Variants in CYSTM1 observed in about 807,000 individuals in gnomAD.
CYSTM1 encodes the protein cysteine-rich transmembrane module-containing protein 1.
CYSTM1 carries 4 observed loss-of-function variants against 13.1 expected under a neutral mutation model. The observed-to-expected ratio is 0.31, with a 90% CI of 0.15 to 0.70. The LOEUF is 0.70. Ranked by LOEUF, CYSTM1 falls within the 30% of genes least tolerant of loss-of-function variation. The pLI, the probability that CYSTM1 is intolerant of heterozygous loss-of-function variation, is 0.72. For synonymous variants in CYSTM1, 36 were observed against 42.7 expected (o/e 0.84, Z 0.62); for missense variants, 96 against 121.6 (o/e 0.79, Z 0.99).
intron 2 of CYSTM1, among the ~76,000 whole-genome samples, chr5:140,238,721 T>G (rs1201711046): frequency 6.6e-6 from 1 of 152,180 alleles, no homozygotes; most frequent in Non-Finnish European, 1.5e-5. Flanking sequence ...GGAAAATGCT[T>G]AAAGATTTTC....
intron 2 of CYSTM1, among the ~76,000 whole-genome samples, chr5:140,231,289 A>G (rs895856021): frequency 1.3e-5 from 2 of 152,220 alleles, no homozygotes; most frequent in Non-Finnish European, 2.9e-5. Flanking sequence ...TATTCATTCC[A>G]TTGGGATCAC....
At chr5:140,193,484 A>G (rs756773759) in intron 1 of CYSTM1, among the ~76,000 whole-genome samples, 13 of 152,154 alleles carry the variant, frequency 8.5e-5, no homozygotes, top group Non-Finnish European at 1.5e-4. Context: ...GGGTTTCACC[A>G]TGTTAGCCAG....
chr5:140,187,303 A>T (rs1157941844), intron 1 of CYSTM1, among the ~76,000 whole-genome samples: 1 of 133,324 alleles, frequency 7.5e-6, no homozygotes, highest in African/African-American at 3.1e-5. Context: ...ATGGGGAGTT[A>T]AAAAAAAAAA....
intron 2 of CYSTM1, among the ~76,000 whole-genome samples, chr5:140,206,665 C>T (rs1447901933): frequency 6.6e-6 from 1 of 152,118 alleles, no homozygotes; most frequent in African/African-American, 2.4e-5. Flanking sequence ...GGATCTTGCT[C>T]TGTCACCCAG....
intron 2 of CYSTM1, among the ~76,000 whole-genome samples, chr5:140,231,009 T>C (rs1318792676): frequency 6.6e-6 from 1 of 152,258 alleles, no homozygotes; most frequent in Non-Finnish European, 1.5e-5. Context: ...AAACCATGTT[T>C]GGCTTTGATT....
intron 2 of CYSTM1, among the ~76,000 whole-genome samples, chr5:140,218,179 C>T (rs1284107057): frequency 2.0e-5 from 3 of 152,160 alleles, no homozygotes; most frequent in Non-Finnish European, 4.4e-5. Flanking sequence ...TAGAGCCTAG[C>T]ATCCACAGGG....
intron 2 of CYSTM1, among the ~76,000 whole-genome samples, chr5:140,215,615 C>T (rs915008979): frequency 7.9e-5 from 12 of 151,804 alleles, no homozygotes; most frequent in Admixed American, 6.6e-4. Context: ...ATTTACTTTG[C>T]ATTATTAATG....
chr5:140,185,101 GA>G (rs2126653761), intron 1 of CYSTM1, among the ~76,000 whole-genome samples: 1 of 152,290 alleles, frequency 6.6e-6, no homozygotes, highest in African/African-American at 2.4e-5. Context: ...AGCTTCATAT[GA>G]ACTCAGTTAT....
chr5:140,239,993 C>G lies in CYSTM1; in HGVS notation c.188-3312C>G, dbSNP rs746031567. ...ATGGAAGGAAACCAGTCCTTAAGAC[C>G]CTGCCCGCGTCAGGAGCTGGAACCC... On this transcript the variant is annotated intron_variant, in intron 2 of 2. Transcript: ENST00000261811. The surrounding 1 kb of genome is among the most constrained non-coding windows in gnomAD (Gnocchi z 5.4). Among the ~76,000 whole-genome samples, 15 of 152,154 alleles carry G rather than the reference C, an allele frequency of 9.9e-5. No individual in the cohort carries two copies. Among genetic ancestry groups the G allele is most frequent in the Non-Finnish European group, 1.9e-4 (13 of 68,002 alleles).
At chr5:140,189,542 T>TA (rs1341398241) in intron 1 of CYSTM1, among the ~76,000 whole-genome samples, 1 of 152,236 alleles carries the variant, frequency 6.6e-6, no homozygotes, top group African/African-American at 2.4e-5. Flanking sequence ...AGTAGAGTAT[T>TA]ATTGAAGTCT....
In CYSTM1 at chr5:140,231,595, T is replaced by C. The variant is rs1764617716; in HGVS notation, c.188-11710T>C. Among the ~76,000 whole-genome samples, 4 of 152,288 alleles carry C rather than the reference T, an allele frequency of 2.6e-5. No homozygotes were observed. The South Asian group carries it at 8.3e-4, about 32-fold the overall frequency. ...TTCCCTGTGAAGAGAAGAGACATAA[T>C]GCCATGAAAACCTACAAAAGGGGAA... On this transcript the variant is annotated intron_variant, in intron 2 of 2. Coordinates refer to ENST00000261811, the MANE Select transcript of CYSTM1 (RefSeq NM_032412.4).
chr5:140,210,283 C>T (rs1410950626), intron 2 of CYSTM1, among the ~76,000 whole-genome samples: 2 of 152,160 alleles, frequency 1.3e-5, no homozygotes, highest in African/African-American at 4.8e-5. Flanking sequence ...TTCTCAGCCT[C>T]AGTGCTATTG....
intron 2 of CYSTM1, among the ~76,000 whole-genome samples, chr5:140,210,232 C>T (rs1324348514): frequency 6.6e-6 from 1 of 152,170 alleles, no homozygotes; most frequent in East Asian, 1.9e-4. Context: ...TCCCCCACCC[C>T]ACCCACTTTT....
intron 1 of CYSTM1, among the ~76,000 whole-genome samples, chr5:140,184,185 G>A (rs1403422484): frequency 6.6e-6 from 1 of 152,162 alleles, no homozygotes; most frequent in African/African-American, 2.4e-5. Flanking sequence ...AAACCCAAAT[G>A]GGGTAATAGA....
chr5:140,190,807 T>C (rs570000980), intron 1 of CYSTM1, among the ~76,000 whole-genome samples: 9 of 152,326 alleles, frequency 5.9e-5, no homozygotes, highest in Admixed American at 4.6e-4. Context: ...TGCAGCACTA[T>C]TTTAGCTGTC....
intron 2 of CYSTM1, among the ~76,000 whole-genome samples, chr5:140,207,190 A>AAGAG (rs971239427): frequency 6.6e-6 from 1 of 151,658 alleles, no homozygotes; most frequent in African/African-American, 2.4e-5. Context: ...TTGCTATGAG[A>AAGAG]AGAGAGAGAG....
intron 2 of CYSTM1, among the ~76,000 whole-genome samples, chr5:140,221,840 C>G (rs1764496122): frequency 6.6e-6 from 1 of 152,234 alleles, no homozygotes; most frequent in South Asian, 2.1e-4. Flanking sequence ...ATAACTATCA[C>G]TGGACACTCA....
At chr5:140,200,548 C>A (rs1764213506) in intron 2 of CYSTM1, 1 of 143,198 alleles carries the variant, frequency 7.0e-6, no homozygotes, top group African/African-American at 2.6e-5. Flanking sequence ...TTCCACTCTT[C>A]CCCCCGGCCT....
chr5:140,177,074 A>AC (rs1561806668), intron 1 of CYSTM1, among the ~76,000 whole-genome samples: 1 of 150,416 alleles, frequency 6.6e-6, no homozygotes, highest in East Asian at 1.9e-4. Context: ...GTCTCAAAAA[A>AC]AAAAAAAAAA....
Sources: allele counts gnomAD v4.1 joint callset (sites outside exome capture counted in the v4.1 genomes callset), GRCh38; gene constraint gnomAD v4.1.1; non-coding constraint Gnocchi (gnomAD v3.1); transcripts MANE v1.5; gene names NCBI Gene and HGNC (gene_info 2026-07-23, HGNC 2026-07-21).